LMNTD1: variants seen among roughly 807,000 people sequenced by gnomAD.
The protein encoded by LMNTD1 is lamin tail domain-containing protein 1.
A neutral mutation model predicts 50.9 loss-of-function variants in LMNTD1; 35 were observed. The observed-to-expected ratio is 0.69, with a 90% CI of 0.53 to 0.91. The LOEUF is 0.91. Ranked by LOEUF, LMNTD1 falls within the 40% of genes least tolerant of loss-of-function variation. LMNTD1 has a pLI of 0.00. For missense variants in LMNTD1, 470 were observed against 475.5 expected (o/e 0.99, Z 0.11); for synonymous variants, 153 against 161.9 (o/e 0.94, Z 0.42).
chr12:25,568,932 A>G (rs1444408088), intron 1 of LMNTD1, among the ~76,000 whole-genome samples: 1 of 152,256 alleles, frequency 6.6e-6, no homozygotes, highest in Non-Finnish European at 1.5e-5. Context: ...AGCTTCCACA[A>G]GAACCTCTAC....
At chr12:25,579,474 C>T (rs886477991) in intron 1 of LMNTD1, among the ~76,000 whole-genome samples, 1 of 152,096 alleles carries the variant, frequency 6.6e-6, no homozygotes, top group Non-Finnish European at 1.5e-5. Context: ...GTCCTGGAAC[C>T]AATCCCCCAT....
intron 6 of LMNTD1, among the ~76,000 whole-genome samples, chr12:25,521,411 G>A (rs1274368165): frequency 6.6e-6 from 1 of 151,832 alleles, no homozygotes; most frequent in African/African-American, 2.4e-5. Context: ...TGTAAAATAT[G>A]GTACAACAGA....
At chr12:25,591,852 A>AGAGAGAGAGAGG (rs1945709190) in intron 1 of LMNTD1, among the ~76,000 whole-genome samples, 5 of 150,060 alleles carry the variant, frequency 3.3e-5, no homozygotes, top group African/African-American at 7.4e-5. Context: ...AGAGAGAGAG[A>AGAGAGAGAGAGG]GAGAGACTCT....
chr12:25,529,454 C>A (rs1304236712), intron 4 of LMNTD1, among the ~76,000 whole-genome samples: 1 of 152,140 alleles, frequency 6.6e-6, no homozygotes, highest in African/African-American at 2.4e-5. Context: ...TTTACTCTCC[C>A]AACTAGGAAA....
In LMNTD1 at chr12:25,580,890, T is replaced by G. The variant is rs79248722; in HGVS notation, c.59-34336A>C. 7.9e-3 allele frequency among the ~76,000 whole-genome samples: 1,206 copies of G among 152,318 alleles called. 12 individuals carry two copies. Among genetic ancestry groups the G allele is most frequent in the African/African-American group, 0.023 (961 of 41,560 alleles). ...TTTAACCTCTCTGAGATCTATTTCT[T>G]CCTTTTCAAAATGGGGAAATGGATA... On this transcript the variant is annotated intron_variant, in intron 1 of 7. Transcript: ENST00000445693.
chr12:25,632,684 A>AAG (rs1342689346), intron 1 of LMNTD1, among the ~76,000 whole-genome samples: 1 of 152,208 alleles, frequency 6.6e-6, no homozygotes, highest in Non-Finnish European at 1.5e-5. Flanking sequence ...ACACATCAAA[A>AAG]CAGAATCTCT....
At position 25,517,088 on chromosome 12, in the gene LMNTD1, GAACACTTTTACACT is replaced by G. The variant is rs1565958486; in HGVS notation, c.1189+1693_1189+1706del. On this transcript the variant is annotated intron_variant, in intron 8 of 9. Transcript: ENST00000458174. Reference sequence around the variant, plus strand: ...TGCTGGAGAGGATGTGGAGAAATAGGAACACTTTTACACTGTTGGTGGGACTGTAAACTAGTTCA... The same window carrying G: ...TGCTGGAGAGGATGTGGAGAAATAGGGTTGGTGGGACTGTAAACTAGTTCA... Among the ~76,000 whole-genome samples the G allele has an allele frequency of 3.1e-3, 184 of 58,494 alleles. 1 individual carries two copies. The highest frequency in any genetic ancestry group is 6.7e-3 in the South Asian group (11 of 1,646). The allele number at this position is 58,494 out of a possible 152,430, so 38.4% of individuals were successfully genotyped here.
intron 8 of LMNTD1, among the ~76,000 whole-genome samples, chr12:25,507,894 T>C (rs544836050): frequency 1.2e-3 from 182 of 152,352 alleles, no homozygotes; most frequent in African/African-American, 4.2e-3. Flanking sequence ...TATATTAAAA[T>C]TAATTCCCAA....
rs185763585 is a variant in LMNTD1 at position 25,647,402 on chromosome 12, T to A, written c.58+1092A>T. 1.9e-3 allele frequency among the ~76,000 whole-genome samples: 291 copies of A among 152,238 alleles called. 3 individuals are homozygous for A. Among genetic ancestry groups the A allele is most frequent in the Non-Finnish European group, 8.2e-4 (56 of 68,010 alleles). ...TGCTCTGAAGGCTGAGGTGGGAGGA[T>A]GGCTTGAGCCTGGGGGGGCAGAGGT... On this transcript the variant is annotated intron_variant, in intron 1 of 7. Transcript: ENST00000445693.
chr12:25,509,731 T>C (rs1940110553), intron 8 of LMNTD1, among the ~76,000 whole-genome samples: 1 of 152,134 alleles, frequency 6.6e-6, no homozygotes. Context: ...CTGACATTCT[T>C]ATAAAGAAGA....
intron 8 of LMNTD1, among the ~76,000 whole-genome samples, chr12:25,512,864 T>TTG (rs1940408229): frequency 7.0e-6 from 1 of 141,988 alleles, no homozygotes; most frequent in Admixed American, 7.1e-5. Flanking sequence ...TTTTTTTTTA[T>TTG]GGGGGGGGGC....
chr12:25,648,551 T>G (rs750026273), exon 1 of LMNTD1: 18 of 1,551,444 alleles, frequency 1.2e-5, no homozygotes, highest in Non-Finnish European at 1.4e-5. Flanking sequence ...GGCTGTTGCA[T>G]GTAGTGTCCT....
intron 1 of LMNTD1, among the ~76,000 whole-genome samples, chr12:25,635,252 G>GA (rs61645838): frequency 0.55 from 69,844 of 127,556 alleles, 18,810 homozygotes; most frequent in Non-Finnish European, 0.64. Flanking sequence ...AAAAAAAAAA[G>GA]AAAAAAAAAA....
At chr12:25,556,120 G>A (rs111267590), upstream of LMNTD1, among the ~76,000 whole-genome samples, 2 of 152,100 alleles carry the variant, frequency 1.3e-5, 1 homozygote, top group African/African-American at 4.8e-5. Context: ...CTACAGGCAT[G>A]TGCCACCACG....
chr12:25,508,168 C>A (rs1426430468), intron 8 of LMNTD1, among the ~76,000 whole-genome samples: 1 of 152,046 alleles, frequency 6.6e-6, no homozygotes, highest in African/African-American at 2.4e-5. Flanking sequence ...GGAAAGTTCA[C>A]AAATCATAAT....
chr12:25,489,284 C>T (rs1329978857), intron 9 of LMNTD1, among the ~76,000 whole-genome samples: 2 of 150,296 alleles, frequency 1.3e-5, no homozygotes, highest in African/African-American at 4.9e-5. Context: ...AGTGAGATTC[C>T]GTGGGCGTAG....
chr12:25,532,156 TG>T (rs907775876), intron 4 of LMNTD1, among the ~76,000 whole-genome samples: 4 of 152,180 alleles, frequency 2.6e-5, no homozygotes, highest in Non-Finnish European at 5.9e-5. Context: ...TTGTATACGT[TG>T]TTTTTTTTGT....
chr12:25,590,068 A>G (rs992456603), intron 1 of LMNTD1, among the ~76,000 whole-genome samples: 1 of 151,082 alleles, frequency 6.6e-6, no homozygotes, highest in Non-Finnish European at 1.5e-5. Context: ...CTATACACAA[A>G]AGAAGCACCT....
chr12:25,576,872 G>A (rs1183906604), intron 1 of LMNTD1, among the ~76,000 whole-genome samples: 2 of 152,026 alleles, frequency 1.3e-5, no homozygotes, highest in Admixed American at 6.6e-5. Context: ...TTTTGTATAA[G>A]GTGTAAGGAA....
Sources: allele counts gnomAD v4.1 joint callset (sites outside exome capture counted in the v4.1 genomes callset), GRCh38; gene constraint gnomAD v4.1.1; transcripts MANE v1.5; gene names NCBI Gene and HGNC (gene_info 2026-07-23, HGNC 2026-07-21).